ROBO1: variants seen among roughly 807,000 people sequenced by gnomAD.
ROBO1 encodes the protein roundabout homolog 1.
A neutral mutation model predicts 195.9 loss-of-function variants in ROBO1; 149 were observed. The ratio of observed to expected loss-of-function variants is 0.76; its 90% CI spans 0.67 to 0.87. The LOEUF (loss-of-function observed/expected upper bound fraction) is 0.87. Among genes scored for constraint, ROBO1 ranks in the 40% least tolerant of loss-of-function variants. The probability of loss-of-function intolerance (pLI) is 0.00; values close to 1 mark genes in which losing one functional copy is unlikely to be tolerated. For missense variants in ROBO1, 1,933 were observed against 2,068.3 expected (o/e 0.93, Z 1.27); for synonymous variants, 816 against 733.2 (o/e 1.11, Z -1.82).
chr3:79,607,095 G>GCACACACACACACACACACA (rs35692271), intron 1 of ROBO1, among the ~76,000 whole-genome samples: 3 of 140,044 alleles, frequency 2.1e-5, no homozygotes, highest in South Asian at 2.4e-4. Flanking sequence ...ATTAAAACCT[G>GCACACACACACACACACACA]CACACACACA....
At chr3:79,096,730 G>GTA (rs915046773) in intron 3 of ROBO1, among the ~76,000 whole-genome samples, 121 of 150,228 alleles carry the variant, frequency 8.1e-4, no homozygotes, top group African/African-American at 2.8e-3. Flanking sequence ...ATATAAATAT[G>GTA]TATATATGTG....
At chr3:79,217,541 C>T (rs1023536691) in intron 2 of ROBO1, among the ~76,000 whole-genome samples, 7 of 151,980 alleles carry the variant, frequency 4.6e-5, no homozygotes, top group African/African-American at 9.7e-5. Flanking sequence ...CCAGTACACA[C>T]GCCATTTTCA....
At chr3:79,095,145 A>G (rs971106577) in intron 3 of ROBO1, among the ~76,000 whole-genome samples, 18 of 152,000 alleles carry the variant, frequency 1.2e-4, no homozygotes, top group Non-Finnish European at 2.4e-4. Flanking sequence ...GCAAAATTTC[A>G]ATATGTCTTC....
At chr3:78,610,739 C>G (rs28564238) in intron 28 of ROBO1, among the ~76,000 whole-genome samples, 4,599 of 151,976 alleles carry the variant, frequency 0.03, 220 homozygotes, top group African/African-American at 0.11. Context: ...GAGAAGAGAA[C>G]CTGATGATAA....
chr3:79,762,951 A>T (rs983231427), intron 1 of ROBO1, among the ~76,000 whole-genome samples: 10 of 152,168 alleles, frequency 6.6e-5, no homozygotes, highest in African/African-American at 2.4e-4. Flanking sequence ...GGAATGAGGC[A>T]GAGGGACATA....
intron 4 of ROBO1, among the ~76,000 whole-genome samples, chr3:78,876,628 A>C (rs1446373047): frequency 4.6e-5 from 7 of 152,198 alleles, no homozygotes; most frequent in Admixed American, 4.6e-4. Context: ...CATTTAAACC[A>C]AATAGAAAGT....
intron 2 of ROBO1, among the ~76,000 whole-genome samples, chr3:79,565,685 C>T (rs1378517008): frequency 6.6e-6 from 1 of 152,044 alleles, no homozygotes; most frequent in Non-Finnish European, 1.5e-5. Context: ...TCCTGAAGGG[C>T]TGACCAATTG....
chr3:79,566,601 C>A (rs571371298), intron 2 of ROBO1, among the ~76,000 whole-genome samples: 11 of 152,138 alleles, frequency 7.2e-5, no homozygotes, highest in African/African-American at 2.7e-4. Flanking sequence ...ATATTTGTGG[C>A]ATCATCATCT....
intron 2 of ROBO1, among the ~76,000 whole-genome samples, chr3:79,415,208 T>A (rs1261668052): frequency 6.6e-6 from 1 of 152,158 alleles, no homozygotes; most frequent in Non-Finnish European, 1.5e-5. Flanking sequence ...CCGTATTTTG[T>A]AGAACAACTG....
intron 3 of ROBO1, among the ~76,000 whole-genome samples, chr3:79,097,653 A>G (rs1246703448): frequency 6.6e-6 from 1 of 151,828 alleles, no homozygotes; most frequent in Non-Finnish European, 1.5e-5. Context: ...CAAGAAGTGA[A>G]TGAATGTTTT....
chr3:79,199,893 T>TAATGC (rs2108776171), intron 2 of ROBO1, among the ~76,000 whole-genome samples: 1 of 151,920 alleles, frequency 6.6e-6, no homozygotes, highest in South Asian at 2.1e-4. Context: ...TGAGGGTGAA[T>TAATGC]AATGCAATAT....
chr3:79,509,122 G>A (rs1940562639), intron 2 of ROBO1, among the ~76,000 whole-genome samples: 2 of 151,694 alleles, frequency 1.3e-5, no homozygotes, highest in Admixed American at 1.3e-4. Flanking sequence ...ACTATTTTTG[G>A]GCAGGGATAT....
intron 4 of ROBO1, among the ~76,000 whole-genome samples, chr3:78,858,935 G>A (rs76786896): frequency 0.01 from 1,572 of 152,252 alleles, 12 homozygotes; most frequent in Non-Finnish European, 0.015. Flanking sequence ...CAGTGTCTAA[G>A]AGTGACTGTT....
intron 4 of ROBO1, among the ~76,000 whole-genome samples, chr3:78,752,985 G>A (rs1024526182): frequency 1.3e-5 from 2 of 152,110 alleles, no homozygotes; most frequent in Admixed American, 1.3e-4. Flanking sequence ...CACTTTTGAA[G>A]ATTGGACAAA....
chr3:79,116,526 CTTTTTT>C (rs550347378), intron 3 of ROBO1, among the ~76,000 whole-genome samples: 1 of 117,946 alleles, frequency 8.5e-6, no homozygotes, highest in African/African-American at 3.1e-5. Context: ...TCTCTTTCTT[CTTTTTT>C]TTTTTTTTTG....
At chr3:79,206,473 G>A (rs552394313) in intron 2 of ROBO1, among the ~76,000 whole-genome samples, 41 of 152,164 alleles carry the variant, frequency 2.7e-4, no homozygotes, top group Middle Eastern at 6.8e-3. Context: ...TGGCAAGAAC[G>A]AATCCATATG....
intron 4 of ROBO1, among the ~76,000 whole-genome samples, chr3:78,883,482 G>C (rs914111648): frequency 2.6e-5 from 4 of 151,688 alleles, no homozygotes; most frequent in Non-Finnish European, 5.9e-5. Context: ...CCTGGCCTCA[G>C]GCAATCCTCC....
chr3:79,098,039 A>G (rs942323017), intron 3 of ROBO1, among the ~76,000 whole-genome samples: 4 of 151,800 alleles, frequency 2.6e-5, no homozygotes, highest in African/African-American at 7.2e-5. Context: ...GTTACTCATC[A>G]TAGAGAAGTG....
intron 3 of ROBO1, among the ~76,000 whole-genome samples, chr3:79,071,215 TCATA>T (rs1211783603): frequency 6.6e-6 from 1 of 151,876 alleles, no homozygotes; most frequent in Non-Finnish European, 1.5e-5. Flanking sequence ...CATTAATCTA[TCATA>T]CAGATTTTAT....
Sources: gnomAD v4.1 joint callset for allele counts (sites outside exome capture counted in the v4.1 genomes callset) on GRCh38, gnomAD v4.1.1 for gene constraint, MANE v1.5 for transcripts, NCBI Gene and HGNC (gene_info 2026-07-23, HGNC 2026-07-21) for gene names.